GABRB1: variants seen among roughly 807,000 people sequenced by gnomAD.
GABRB1 encodes gamma-aminobutyric acid type A receptor subunit beta1, also known as gamma-aminobutyric acid receptor subunit beta-1.
In GABRB1, 17 loss-of-function variants were observed where a neutral mutation model predicts 51.6. That is an observed-to-expected ratio of 0.33 (90% CI 0.23 to 0.49). The LOEUF (loss-of-function observed/expected upper bound fraction) is 0.49, where lower values mean the gene tolerates loss of function less well. GABRB1 is among the 20% of genes least tolerant of loss of function. The pLI, the probability that GABRB1 is intolerant of heterozygous loss-of-function variation, is 0.99. For missense variants in GABRB1, 410 were observed against 600.6 expected, an observed-to-expected ratio of 0.68 and a Z score of 3.32; for synonymous variants, 247 against 218.9, an observed-to-expected ratio of 1.13 and a Z score of -1.14.
intron 4 of GABRB1, among the ~76,000 whole-genome samples, chr4:47,211,618 C>T (rs1439565513): frequency 6.6e-6 from 1 of 152,130 alleles, no homozygotes; most frequent in Non-Finnish European, 1.5e-5. Flanking sequence ...TGTCCTATTG[C>T]CTCTGTAACA....
chr4:47,304,184 G>T (rs897655137), intron 4 of GABRB1, among the ~76,000 whole-genome samples: 9 of 151,928 alleles, frequency 5.9e-5, no homozygotes, highest in African/African-American at 2.2e-4. Flanking sequence ...GGATCATATG[G>T]TAGTTCTATT....
chr4:47,032,064 G>T (rs878915564), intron 2 of GABRB1, 59 bp downstream of exon 2: 252 of 764,560 alleles, frequency 3.3e-4, no homozygotes, highest in Non-Finnish European at 4.0e-4. Flanking sequence ...TTCTGTCAAA[G>T]ATAAATGTCA....
At chr4:47,345,107 A>G (rs1726042311) in intron 5 of GABRB1, among the ~76,000 whole-genome samples, 1 of 152,192 alleles carries the variant, frequency 6.6e-6, no homozygotes, top group Admixed American at 6.6e-5. Flanking sequence ...ATCTATGTCT[A>G]ATGTGTCTTC....
intron 5 of GABRB1, among the ~76,000 whole-genome samples, chr4:47,322,780 G>A (rs1725130161): frequency 6.6e-6 from 1 of 152,088 alleles, no homozygotes; most frequent in African/African-American, 2.4e-5. Flanking sequence ...AGACCAGCCT[G>A]ACAAATATGG....
At chr4:47,103,968 T>G (rs1411813293) in intron 3 of GABRB1, among the ~76,000 whole-genome samples, 1 of 151,850 alleles carries the variant, frequency 6.6e-6, no homozygotes, top group East Asian at 1.9e-4. Flanking sequence ...ATTTCATATT[T>G]TCTTTTATTT....
At chr4:47,163,540 TGG>T (rs1435518983) in intron 4 of GABRB1, among the ~76,000 whole-genome samples, 1 of 151,348 alleles carries the variant, frequency 6.6e-6, no homozygotes, top group African/African-American at 2.4e-5. Context: ...ACTCCAAGAG[TGG>T]GGAGAAGGGG....
chr4:47,389,024 G>C (rs1359777262), intron 5 of GABRB1, among the ~76,000 whole-genome samples: 4 of 152,212 alleles, frequency 2.6e-5, no homozygotes, highest in Non-Finnish European at 5.9e-5. Context: ...CAAACCCAAA[G>C]AATGGACTTA....
chr4:47,076,918 T>G (rs1043335956), intron 3 of GABRB1, among the ~76,000 whole-genome samples: 6 of 152,212 alleles, frequency 3.9e-5, no homozygotes, highest in Non-Finnish European at 8.8e-5. Flanking sequence ...CTTTTCTCCT[T>G]GGCCCACTGC....
At chr4:47,087,721 T>C (rs1728136206) in intron 3 of GABRB1, among the ~76,000 whole-genome samples, 1 of 152,140 alleles carries the variant, frequency 6.6e-6, no homozygotes, top group Non-Finnish European at 1.5e-5. Flanking sequence ...CAGCATAGCA[T>C]GTAGATGAAT....
intron 4 of GABRB1, among the ~76,000 whole-genome samples, chr4:47,235,194 A>G (rs1464255357): frequency 6.6e-6 from 1 of 152,118 alleles, no homozygotes; most frequent in African/African-American, 2.4e-5. Context: ...TAATCTTCAT[A>G]AGGAAGAAAT....
intron 3 of GABRB1, among the ~76,000 whole-genome samples, chr4:47,088,770 T>A (rs1414630037): frequency 6.6e-6 from 1 of 152,212 alleles, no homozygotes; most frequent in African/African-American, 2.4e-5. Flanking sequence ...GCTGTGTCCA[T>A]CACTCCATCA....
chr4:47,320,455 T>C (rs1310882868), intron 5 of GABRB1, among the ~76,000 whole-genome samples: 2 of 152,208 alleles, frequency 1.3e-5, no homozygotes. Context: ...CAGAACGTAG[T>C]TTCTCCCAAA....
At chr4:47,175,283 C>T (rs2109761586) in intron 4 of GABRB1, among the ~76,000 whole-genome samples, 1 of 151,886 alleles carries the variant, frequency 6.6e-6, no homozygotes. Flanking sequence ...GTCTCAAACT[C>T]CTGGCCTCAA....
intron 3 of GABRB1, among the ~76,000 whole-genome samples, chr4:47,113,560 A>G (rs1265949997): frequency 1.3e-5 from 2 of 152,192 alleles, no homozygotes; most frequent in East Asian, 1.9e-4. Context: ...AACCTTCACA[A>G]AAGTGGTGGC....
chr4:47,026,281 T>C (rs1216135529), intron 1 of GABRB1, among the ~76,000 whole-genome samples: 1 of 152,034 alleles, frequency 6.6e-6, no homozygotes, highest in East Asian at 1.9e-4. Flanking sequence ...AAAATGTTTT[T>C]AAATACACTC....
At chr4:47,328,115 C>A (rs963044783) in intron 5 of GABRB1, among the ~76,000 whole-genome samples, 1 of 152,014 alleles carries the variant, frequency 6.6e-6, no homozygotes, top group Non-Finnish European at 1.5e-5. Flanking sequence ...TCTTCTTTTG[C>A]GAAGTGTCTG....
At chr4:47,109,335 G>A (rs1173210046) in intron 3 of GABRB1, among the ~76,000 whole-genome samples, 1 of 152,036 alleles carries the variant, frequency 6.6e-6, no homozygotes, top group East Asian at 1.9e-4. Flanking sequence ...TTGACACTCT[G>A]AGTTGGTAAA....
chr4:47,228,463 C>T (rs1428012571), intron 4 of GABRB1, among the ~76,000 whole-genome samples: 2 of 151,974 alleles, frequency 1.3e-5, no homozygotes, highest in African/African-American at 4.8e-5. Flanking sequence ...TCTTCTGTTT[C>T]TCGTTGGTGA....
At chr4:47,141,098 A>C (rs142255202) in intron 3 of GABRB1, among the ~76,000 whole-genome samples, 2 of 151,870 alleles carry the variant, frequency 1.3e-5, no homozygotes, top group Non-Finnish European at 2.9e-5. Context: ...TTTTAAAAAA[A>C]AACAACTAAT....
Sources: gnomAD v4.1 joint callset for allele counts (sites outside exome capture counted in the v4.1 genomes callset) on GRCh38, gnomAD v4.1.1 for gene constraint, MANE v1.5 for transcripts, NCBI Gene and HGNC (gene_info 2026-07-23, HGNC 2026-07-21) for gene names.